The following PCID2 variants were observed in gnomAD, a reference collection of about 807,000 sequenced individuals.
PCID2 encodes the protein PCI domain containing 2, also known as PCI domain-containing protein 2.
A neutral mutation model predicts 61.3 loss-of-function variants in PCID2; 41 were observed. The ratio of observed to expected loss-of-function variants is 0.67; its 90% CI spans 0.52 to 0.87. PCID2 has a LOEUF of 0.87. PCID2 is among the 40% of genes least tolerant of loss of function. The pLI, the probability that PCID2 is intolerant of heterozygous loss-of-function variation, is 0.00. For missense variants in PCID2, 392 were observed against 493.4 expected (o/e 0.79, Z 1.95); for synonymous variants, 187 against 177.8 (o/e 1.05, Z -0.41).
chr13:113,195,163 G>T lies in PCID2; in HGVS notation c.309-38C>A, dbSNP rs201777101. On this transcript the variant is annotated intron_variant, in intron 5 of 13. Coordinates refer to ENST00000337344, the MANE Select transcript of PCID2 (RefSeq NM_001127202.4). ...AAAGTAAACAAGTGTGAGGGGCTAC[G>T]TGGGCCAAGATTCCATCCCCAGAGG... is the stretch of plus-strand genomic sequence containing the variant. 9 of 1,351,232 alleles carry T rather than the reference G, an allele frequency of 6.7e-6. No homozygotes were observed. In the East Asian group the frequency reaches 1.8e-4, roughly 28 times the overall value. 83.7% of individuals were successfully genotyped at this position (1,351,232 alleles called of 1,614,324 possible). A position where few individuals can be genotyped will look rare whatever the true frequency, so the allele number is the denominator to read the frequency against.
At position 113,198,255 on chromosome 13, in the gene PCID2, G is replaced by C; in HGVS notation, c.136C>G (p.Pro46Ala). The C allele has an allele frequency of 6.2e-7, 1 of 1,601,578 alleles. No homozygotes were observed. The part of the protein sequence containing the change: ...VANPRLQMAS[P>A]EEKCQQVLEP... ...AAGACTTGTTGACACTTCTCCTCTG[G>C]AGAGGCCATCTGATTTTAAAAAAGA... The change falls in exon 3 of 14, where the codon CCA (proline) becomes GCA (alanine). Residue 46 changes from proline to alanine, a missense_variant. By Grantham distance (27) the Pro-to-Ala change is conservative (BLOSUM62 -1). Around this residue, in one of 3 missense-constraint regions of PCID2, gnomAD observed 155 missense variants for 164.9 expected, o/e 0.94. Coordinates refer to ENST00000337344, the MANE Select transcript of PCID2 (RefSeq NM_001127202.4).
downstream of PCID2, among the ~76,000 whole-genome samples, chr13:113,176,158 G>GGA (rs145560895): frequency 9.8e-5 from 15 of 152,360 alleles, 1 homozygote; most frequent in Middle Eastern, 6.8e-3. Flanking sequence ...CGCGCGGCCC[G>GGA]GAGAGAGAGA....
chr13:113,197,031 G>A (rs755415447), intron 4 of PCID2, 147 bp downstream of exon 4: 1 of 1,613,014 alleles, frequency 6.2e-7, no homozygotes, highest in East Asian at 2.2e-5. Context: ...AAGTGAAAGA[G>A]CTGAAACGAG....
chr13:113,191,292 CG>C (rs2038597200), intron 6 of PCID2, among the ~76,000 whole-genome samples: 2 of 151,972 alleles, frequency 1.3e-5, no homozygotes, highest in Non-Finnish European at 2.9e-5. Flanking sequence ...TCCTGGCCTC[CG>C]GAAGTGTTGG....
chr13:113,200,833 A>C (rs2039377266), intron 1 of PCID2, among the ~76,000 whole-genome samples: 1 of 151,500 alleles, frequency 6.6e-6, no homozygotes, highest in Admixed American at 6.6e-5. Flanking sequence ...CTGTAATCCC[A>C]GCACTTTGTG....
chr13:113,196,943 A>C, intron 4 of PCID2: 1 of 1,064,014 alleles, frequency 9.4e-7, no homozygotes, highest in Non-Finnish European at 1.5e-6. Flanking sequence ...CAGCAGAGTA[A>C]GATCCTTCTT....
chr13:113,184,436 T>C lies in PCID2; in HGVS notation c.595A>G (p.Asn199Asp). The change falls in exon 9 of 14, where the codon AAC becomes GAC. Residue 199 changes from asparagine (N) to aspartate (D), a missense_variant. Asn to Asp is a conservative substitution (Grantham distance 23, BLOSUM62 1). Coordinates refer to ENST00000337344, the MANE Select transcript of PCID2 (RefSeq NM_001127202.4). ...GCAGTGCTGTAATCGTCTTTCAGGTTTGAGCTGTCAATTGCTCTAATTAGG... is the reference window on the plus strand; with the variant it reads ...GCAGTGCTGTAATCGTCTTTCAGGTCTGAGCTGTCAATTGCTCTAATTAGG... Reference protein sequence around the residue: ...KPLIRAIDSSNLKDDYSTAQR... With the variant: ...KPLIRAIDSSDLKDDYSTAQR... 2 of 1,601,944 alleles carry C rather than the reference T, an allele frequency of 1.2e-6. No individual in the cohort carries two copies. The highest frequency in any genetic ancestry group is 8.6e-7 in the Non-Finnish European group (1 of 1,168,816).
chr13:113,173,467 A>C (rs1324234833), downstream of PCID2, among the ~76,000 whole-genome samples: 1 of 152,268 alleles, frequency 6.6e-6, no homozygotes, highest in African/African-American at 2.4e-5. Flanking sequence ...TGAAGAGCAG[A>C]GAGGACTTTT....
At chr13:113,204,055 C>T (rs12874076) in intron 1 of PCID2, among the ~76,000 whole-genome samples, 1 of 152,262 alleles carries the variant, frequency 6.6e-6, no homozygotes, top group Admixed American at 6.5e-5. Flanking sequence ...AAGCCGTGCT[C>T]TCTTTGGTTC....
chr13:113,200,067 TCTGA>T (rs1436706364), intron 2 of PCID2, among the ~76,000 whole-genome samples: 5 of 152,208 alleles, frequency 3.3e-5, no homozygotes, highest in African/African-American at 4.8e-5. Flanking sequence ...TGCCAGCCTT[TCTGA>T]CTAACAACTT....
downstream of PCID2, among the ~76,000 whole-genome samples, chr13:113,174,262 A>G (rs1268322991): frequency 6.6e-6 from 1 of 151,946 alleles, no homozygotes; most frequent in Non-Finnish European, 1.5e-5. Flanking sequence ...ACCTACTTCA[A>G]ACACAGCTGG....
intron 4 of PCID2, 194 bp downstream of exon 4, chr13:113,196,984 G>T: frequency 7.0e-7 from 1 of 1,427,926 alleles, no homozygotes; most frequent in Non-Finnish European, 9.9e-7. Flanking sequence ...ACTAAGTACT[G>T]CACGAGTCTT....
At chr13:113,193,003 AACTTGATCTGGACCTCCCTGCCTG>A (rs926096537) in intron 6 of PCID2, among the ~76,000 whole-genome samples, 32 of 152,220 alleles carry the variant, frequency 2.1e-4, no homozygotes, top group Admixed American at 1.2e-3. Flanking sequence ...TCAGAAACTC[AACTTGATCTGGACCTCCCTGCCTG>A]ACTTGATCTG....
the PCID2 span, chr13:113,165,262 T>C: frequency 2.5e-6 from 2 of 789,874 alleles, no homozygotes; most frequent in Non-Finnish European, 4.3e-6. Context: ...CCAACCTCTA[T>C]TCACACTTCC....
At chr13:113,169,700 T>G in the PCID2 span, among the ~76,000 whole-genome samples, 2 of 152,246 alleles carry the variant, frequency 1.3e-5, no homozygotes, top group Non-Finnish European at 2.9e-5. Flanking sequence ...CGTGCCCCAC[T>G]GAGTCAGGGA....
chr13:113,207,903 C>T (rs1012646917), intron 1 of PCID2: 1 of 870,726 alleles, frequency 1.1e-6, no homozygotes, highest in Non-Finnish European at 1.9e-6. Context: ...AAAATCCATT[C>T]CCTATATTTC....
chr13:113,203,394 G>A (rs1364681659), intron 1 of PCID2, among the ~76,000 whole-genome samples: 2 of 152,082 alleles, frequency 1.3e-5, no homozygotes, highest in African/African-American at 4.8e-5. Context: ...CAAGTATTAT[G>A]GAAACTAAGT....
intron 6 of PCID2, among the ~76,000 whole-genome samples, chr13:113,193,453 T>G (rs565057446): frequency 2.6e-5 from 4 of 152,302 alleles, no homozygotes; most frequent in East Asian, 1.9e-4. Context: ...ACAGAGTAAG[T>G]GCAGAAGCAG....
chr13:113,178,421 T>C (rs779533983), intron 13 of PCID2, 134 bp from the exon 14 acceptor site: 5 of 603,090 alleles, frequency 8.3e-6, no homozygotes, highest in African/African-American at 3.7e-5. Context: ...GGGAAGACAA[T>C]GAGTAAAAAT....
Sources: allele counts gnomAD v4.1 joint callset (sites outside exome capture counted in the v4.1 genomes callset), GRCh38; gene constraint gnomAD v4.1.1; regional missense constraint gnomAD v4.1.1; transcripts MANE v1.5; gene names NCBI Gene and HGNC (gene_info 2026-07-23, HGNC 2026-07-21).